LIMCH1: variants seen among roughly 807,000 people sequenced by gnomAD.
LIMCH1 encodes LIM and calponin homology domains-containing protein 1.
LIMCH1 carries 113 observed loss-of-function variants against 176.5 expected under a neutral mutation model. The observed-to-expected ratio is 0.64, with a 90% CI of 0.55 to 0.75. The LOEUF is 0.75. LIMCH1 is among the 30% of genes least tolerant of loss of function. The pLI, the probability that LIMCH1 is intolerant of heterozygous loss-of-function variation, is 0.00. For synonymous variants in LIMCH1, 619 were observed against 645.9 expected (o/e 0.96, Z 0.63); for missense variants, 1,674 against 1,814.9 (o/e 0.92, Z 1.41).
intron 1 of LIMCH1, among the ~76,000 whole-genome samples, chr4:41,421,381 C>T (rs184688797): frequency 3.9e-4 from 59 of 152,316 alleles, no homozygotes; most frequent in African/African-American, 1.3e-3. Context: ...AGAGTTGAGA[C>T]TCAAACACAA....
At chr4:41,471,052 G>A (rs2066889858) in intron 1 of LIMCH1, among the ~76,000 whole-genome samples, 1 of 136,378 alleles carries the variant, frequency 7.3e-6, no homozygotes, top group Non-Finnish European at 1.5e-5. Flanking sequence ...TTTTAACATA[G>A]ATGGAAGACT....
Position 41,631,412 on chromosome 4 carries a change from T to C in LIMCH1, c.1536T>C (p.Ser512=). ...GCAAGATTCAAATGGACTCTGTGTCTCCTGTCTCAGCGGCCACTTCCAGCT... is the reference window on the plus strand; with the variant it reads ...GCAAGATTCAAATGGACTCTGTGTCCCCTGTCTCAGCGGCCACTTCCAGCT... ...HGSKIQMDSV[S]PVSAATSSLK... is the part of the protein sequence containing the mutation. Residue 512 remains serine (S), a synonymous_variant, in exon 10 of 32, where the codon TCT becomes TCC. Transcript: ENST00000503057. The C allele has an allele frequency of 6.5e-7, 1 of 1,534,732 alleles. No homozygotes were observed. The highest frequency in any genetic ancestry group is 2.4e-5 in the East Asian group (1 of 40,908).
At chr4:41,638,817 C>A in intron 13 of LIMCH1, 115 bp from the exon 14 acceptor site, 1 of 817,188 alleles carries the variant, frequency 1.2e-6, no homozygotes, top group South Asian at 1.4e-5. Flanking sequence ...CTTTCAGTAT[C>A]TCAGCAAAAA....
intron 18 of LIMCH1, among the ~76,000 whole-genome samples, chr4:41,653,627 A>G (rs189601513): frequency 1.5e-3 from 221 of 152,328 alleles, no homozygotes; most frequent in Middle Eastern, 6.8e-3. Context: ...AACTGTTCAA[A>G]GGGCACAGCA....
intron 1 of LIMCH1, among the ~76,000 whole-genome samples, chr4:41,494,156 A>C (rs1420503599): frequency 6.6e-6 from 1 of 152,112 alleles, no homozygotes; most frequent in Non-Finnish European, 1.5e-5. Context: ...ATAGAAAAAA[A>C]GGCTTCAAAG....
chr4:41,536,059 A>G (rs546092653), upstream of LIMCH1, among the ~76,000 whole-genome samples: 1 of 152,230 alleles, frequency 6.6e-6, no homozygotes, highest in African/African-American at 2.4e-5. Flanking sequence ...TGTGAGCAAA[A>G]AATATATAAT....
chr4:41,460,894 G>A (rs1295228581), intron 1 of LIMCH1, among the ~76,000 whole-genome samples: 9 of 152,162 alleles, frequency 5.9e-5, no homozygotes, highest in Non-Finnish European at 1.3e-4. Flanking sequence ...CCCTGACTGT[G>A]GCAGGTGCTG....
intron 2 of LIMCH1, among the ~76,000 whole-genome samples, chr4:41,502,639 G>A (rs1306348551): frequency 1.3e-5 from 2 of 152,048 alleles, no homozygotes; most frequent in Non-Finnish European, 2.9e-5. Context: ...GTTTTGATTT[G>A]CATTTCTCTA....
At chr4:41,574,883 G>A (rs2084204757) in intron 1 of LIMCH1, among the ~76,000 whole-genome samples, 1 of 152,150 alleles carries the variant, frequency 6.6e-6, no homozygotes, top group Admixed American at 6.5e-5. Flanking sequence ...CTGAGCTTTA[G>A]GTTTTAATTT....
chr4:41,375,520 A>G (rs376517363), intron 1 of LIMCH1, among the ~76,000 whole-genome samples: 62 of 152,376 alleles, frequency 4.1e-4, no homozygotes, highest in African/African-American at 1.4e-3. Flanking sequence ...GTTATAAATT[A>G]AAGTATCCAA....
intron 1 of LIMCH1, among the ~76,000 whole-genome samples, chr4:41,483,533 T>C (rs542213615): frequency 6.6e-6 from 1 of 152,164 alleles, no homozygotes; most frequent in Non-Finnish European, 1.5e-5. Context: ...TCTTCTGGGT[T>C]GTCTCTTTTG....
chr4:41,654,970 A>G (rs1256193157), intron 18 of LIMCH1, among the ~76,000 whole-genome samples: 1 of 152,112 alleles, frequency 6.6e-6, no homozygotes, highest in South Asian at 2.1e-4. Context: ...AAATCATGTT[A>G]TAGCACACAA....
At chr4:41,523,805 C>T (rs576529963) in intron 2 of LIMCH1, among the ~76,000 whole-genome samples, 2 of 152,230 alleles carry the variant, frequency 1.3e-5, no homozygotes, top group South Asian at 2.1e-4. Context: ...ATCTTTTGCT[C>T]AAATATCTTT....
intron 1 of LIMCH1, among the ~76,000 whole-genome samples, chr4:41,400,036 G>A (rs2058250441): frequency 6.6e-6 from 1 of 150,714 alleles, no homozygotes; most frequent in Admixed American, 6.6e-5. Flanking sequence ...TTTTTGAGGA[G>A]GAAACTGAAG....
chr4:41,484,651 C>CA (rs951141112), intron 1 of LIMCH1, among the ~76,000 whole-genome samples: 1 of 152,120 alleles, frequency 6.6e-6, no homozygotes. Flanking sequence ...AGGAGGAAAT[C>CA]ACGGTCTTCT....
intron 20 of LIMCH1, among the ~76,000 whole-genome samples, chr4:41,664,727 CGAACCTCATCTGTG>C (rs1159203757): frequency 3.3e-5 from 5 of 152,120 alleles, no homozygotes; most frequent in African/African-American, 4.8e-5. Context: ...GCAGTCATTG[CGAACCTCATCTGTG>C]GAACCTCATC....
At chr4:41,680,495 T>C (rs946770906) in intron 24 of LIMCH1, among the ~76,000 whole-genome samples, 43 of 152,222 alleles carry the variant, frequency 2.8e-4, no homozygotes, top group African/African-American at 1.0e-3. Context: ...CTGCATTTAC[T>C]ATATAGCACT....
chr4:41,673,738 G>C (rs1024406464), intron 22 of LIMCH1, among the ~76,000 whole-genome samples: 2 of 152,144 alleles, frequency 1.3e-5, no homozygotes, highest in Non-Finnish European at 2.9e-5. Flanking sequence ...TAAGGTCTTG[G>C]GGTAGATAGG....
intron 1 of LIMCH1, among the ~76,000 whole-genome samples, chr4:41,590,188 G>A (rs761315151): frequency 6.6e-6 from 1 of 152,056 alleles, no homozygotes; most frequent in South Asian, 2.1e-4. Context: ...TGCCTCCCAG[G>A]TTCAAGCCAT....
Sources: gnomAD v4.1 joint callset for allele counts (sites outside exome capture counted in the v4.1 genomes callset) on GRCh38, gnomAD v4.1.1 for gene constraint, MANE v1.5 for transcripts, NCBI Gene and HGNC (gene_info 2026-07-23, HGNC 2026-07-21) for gene names.